The following NTN1 variants were observed in gnomAD, a reference collection of about 807,000 sequenced individuals.
NTN1 encodes the protein netrin 1.
Under a neutral mutation model 54.2 loss-of-function variants are expected in NTN1, and 11 were observed. That is an observed-to-expected ratio of 0.20 (90% CI 0.13 to 0.34). The LOEUF is 0.34. Among genes scored for constraint, NTN1 ranks in the 10% least tolerant of loss-of-function variants. The pLI is 1.00. For synonymous variants in NTN1, 371 were observed against 382.0 expected (o/e 0.97, Z 0.33); for missense variants, 740 against 893.1 (o/e 0.83, Z 2.18).
At chr17:9,032,661 A>C (rs549381689) in intron 2 of NTN1, among the ~76,000 whole-genome samples, 1 of 152,306 alleles carries the variant, frequency 6.6e-6, no homozygotes, top group East Asian at 1.9e-4. Flanking sequence ...ACAGATACAG[A>C]ATTTGGCATC....
At chr17:9,183,483 G>A (rs1017953171) in intron 5 of NTN1, 32 of 379,932 alleles carry the variant, frequency 8.4e-5, no homozygotes, top group Non-Finnish European at 1.5e-4. Context: ...GCAGACCGCA[G>A]CATGCGGCCA....
upstream of NTN1, among the ~76,000 whole-genome samples, chr17:9,020,785 G>A (rs2091843502): frequency 6.6e-6 from 1 of 152,214 alleles, no homozygotes; most frequent in Non-Finnish European, 1.5e-5. Flanking sequence ...GCGGTGGCCA[G>A]CGTCCAGGTG....
rs140855069 is a variant in NTN1 at position 9,221,714 on chromosome 17, C to T, written c.1486+472C>T. ...CGGGGCCGGGAGTCTGCGCTGTAAA[C>T]GGCTCACCACTCATTCCCATGCACC... On this transcript the variant is annotated intron_variant, in intron 6 of 6. Coordinates refer to ENST00000173229, the MANE Select transcript of NTN1 (RefSeq NM_004822.3). The surrounding 1 kb of genome is among the most constrained non-coding windows in gnomAD (Gnocchi z 4.5). Among the ~76,000 whole-genome samples the T allele has an allele frequency of 1.6e-3, 242 of 152,322 alleles. No individual in the cohort carries two copies. Among genetic ancestry groups the T allele is most frequent in the Non-Finnish European group, 2.3e-3 (159 of 68,022 alleles).
chr17:9,071,957 G>T (rs1356336136), intron 2 of NTN1, among the ~76,000 whole-genome samples: 1 of 152,226 alleles, frequency 6.6e-6, no homozygotes, highest in Non-Finnish European at 1.5e-5. Context: ...CCTGGCAGAT[G>T]CTGCAGTTTC....
intron 2 of NTN1, among the ~76,000 whole-genome samples, chr17:9,133,998 G>A (rs757109201): frequency 1.4e-5 from 2 of 140,122 alleles, no homozygotes; most frequent in Non-Finnish European, 3.0e-5. Context: ...TCTGCCTCCC[G>A]AGTTCAAGCA....
intron 3 of NTN1, among the ~76,000 whole-genome samples, chr17:9,178,010 C>T (rs560681312): frequency 1.4e-4 from 21 of 152,258 alleles, no homozygotes; most frequent in African/African-American, 3.9e-4. Flanking sequence ...GCCTGGCTGA[C>T]GTGTTAAAAC....
rs773720564 is a variant in NTN1 at position 9,202,055 on chromosome 17, C to CA, written c.1412-19078dup. Among the ~76,000 whole-genome samples, 9 of 48,346 alleles carry CA rather than the reference C, an allele frequency of 1.9e-4. 2 individuals are homozygous for CA. Among genetic ancestry groups the CA allele is most frequent in the Non-Finnish European group, 2.4e-4 (7 of 29,472 alleles). The allele number at this position is 48,346 out of a possible 152,430, so 31.7% of individuals were successfully genotyped here. A position where few individuals can be genotyped will look rare whatever the true frequency, so the allele number is the denominator to read the frequency against. ...ACACACACACACACACACACACACA[C>CA]AAAAAAAAAAAAAAAAAAAAAAAAA... On this transcript the variant is annotated intron_variant, in intron 5 of 6. Coordinates refer to ENST00000173229, the MANE Select transcript of NTN1 (RefSeq NM_004822.3).
At chr17:9,017,796 C>T (rs1218034652), upstream of NTN1, among the ~76,000 whole-genome samples, 5 of 152,314 alleles carry the variant, frequency 3.3e-5, 1 homozygote, top group Middle Eastern at 6.8e-3. Context: ...GAACTTCTCA[C>T]GACACTTGGA....
chr17:9,136,646 T>C (rs2092282454), intron 2 of NTN1, among the ~76,000 whole-genome samples: 1 of 152,170 alleles, frequency 6.6e-6, no homozygotes, highest in Admixed American at 6.5e-5. Context: ...GTGTGCCAGC[T>C]CCTAGCTTTA....
At chr17:9,010,185 C>T in the NTN1 span, among the ~76,000 whole-genome samples, 1 of 152,320 alleles carries the variant, frequency 6.6e-6, no homozygotes, top group South Asian at 2.1e-4. Flanking sequence ...CCTGGAAGAA[C>T]AGAAGATGTC....
intron 2 of NTN1, among the ~76,000 whole-genome samples, chr17:9,107,074 C>T (rs888486068): frequency 1.3e-5 from 2 of 152,122 alleles, no homozygotes; most frequent in Non-Finnish European, 2.9e-5. Flanking sequence ...CCCATGTGAC[C>T]CCAGCAGCAC....
At chr17:9,235,946 G>C (rs965640979) in intron 6 of NTN1, among the ~76,000 whole-genome samples, 6 of 151,768 alleles carry the variant, frequency 4.0e-5, no homozygotes, top group Non-Finnish European at 8.8e-5. Flanking sequence ...GAGACAATCT[G>C]CCTGCCTCGG....
At chr17:9,086,407 A>T (rs796288498) in intron 2 of NTN1, among the ~76,000 whole-genome samples, 15 of 152,320 alleles carry the variant, frequency 9.8e-5, no homozygotes, top group African/African-American at 3.6e-4. Flanking sequence ...CCTCTGTCTC[A>T]TGCTAGTTTG....
chr17:9,076,429 G>T (rs887625326), intron 2 of NTN1, among the ~76,000 whole-genome samples: 2 of 152,212 alleles, frequency 1.3e-5, no homozygotes, highest in African/African-American at 4.8e-5. Flanking sequence ...CTGGAGTGCA[G>T]TGGTGCAATC....
chr17:9,234,825 G>C (rs1905926494), intron 6 of NTN1, among the ~76,000 whole-genome samples: 1 of 152,198 alleles, frequency 6.6e-6, no homozygotes, highest in South Asian at 2.1e-4. Context: ...AGGGTTGAGG[G>C]GCTCTGCTAA....
At chr17:9,015,529 C>A in the NTN1 span, among the ~76,000 whole-genome samples, 1 of 152,140 alleles carries the variant, frequency 6.6e-6, no homozygotes, top group African/African-American at 2.4e-5. Flanking sequence ...TTCTTGTCCT[C>A]CCTCCTCACA....
chr17:9,176,036 TTCTCAGAGGAATTAGGGAGGCTC>T (rs2092399174), intron 3 of NTN1: 2 of 152,240 alleles, frequency 1.3e-5, no homozygotes, highest in Admixed American at 1.3e-4. Context: ...CCAGACCACG[TTCTCAGAGGAATTAGGGAGGCTC>T]TCTCTTTGTC....
At chr17:9,024,690 T>C (rs953261504) in intron 2 of NTN1, among the ~76,000 whole-genome samples, 1 of 152,246 alleles carries the variant, frequency 6.6e-6, no homozygotes, top group African/African-American at 2.4e-5. Flanking sequence ...AGAGGCCCAG[T>C]CAGGCGTCCT....
chr17:9,181,841 C>T (rs953387684), intron 4 of NTN1, among the ~76,000 whole-genome samples: 46 of 152,172 alleles, frequency 3.0e-4, no homozygotes, highest in Admixed American at 1.9e-3. Flanking sequence ...TGGCCTTGTT[C>T]AGAAAGAGGA....
Sources: gnomAD v4.1 joint callset for allele counts (sites outside exome capture counted in the v4.1 genomes callset) on GRCh38, gnomAD v4.1.1 for gene constraint, Gnocchi (gnomAD v3.1) non-coding constraint, MANE v1.5 for transcripts, NCBI Gene and HGNC (gene_info 2026-07-23, HGNC 2026-07-21) for gene names.